The following RNGTT variants were observed in gnomAD, a reference collection of about 807,000 sequenced individuals.
The protein encoded by RNGTT is mRNA-capping enzyme.
A neutral mutation model predicts 79.3 loss-of-function variants in RNGTT; 33 were observed. The ratio of observed to expected loss-of-function variants is 0.42; its 90% confidence interval spans 0.32 to 0.56. The LOEUF is 0.56. Among genes scored for constraint, RNGTT ranks in the 20% least tolerant of loss-of-function variants. The probability of loss-of-function intolerance (pLI) is 0.17; values close to 1 mark genes in which losing one functional copy is unlikely to be tolerated. For synonymous variants in RNGTT, 222 were observed against 235.9 expected (o/e 0.94, Z 0.54); for missense variants, 497 against 739.1 (o/e 0.67, Z 3.80).
At chr6:88,731,997 G>A (rs1401651371) in intron 13 of RNGTT, among the ~76,000 whole-genome samples, 2 of 152,118 alleles carry the variant, frequency 1.3e-5, no homozygotes, top group South Asian at 2.1e-4. Context: ...GTGGAAGTGA[G>A]TCATCATAAA....
intron 13 of RNGTT, among the ~76,000 whole-genome samples, chr6:88,759,871 A>C (rs9451075): frequency 0.14 from 21,837 of 152,112 alleles, 1,705 homozygotes; most frequent in Middle Eastern, 0.24. Context: ...CCCCCCACCA[A>C]CTTCAATGTG....
intron 13 of RNGTT, among the ~76,000 whole-genome samples, chr6:88,717,407 T>G (rs369841299): frequency 1.3e-5 from 2 of 152,180 alleles, no homozygotes; most frequent in African/African-American, 4.8e-5. Flanking sequence ...TCTCAAGAAA[T>G]ACGCACCTAT....
chr6:88,628,647 T>C (rs1772727213), intron 14 of RNGTT, among the ~76,000 whole-genome samples: 1 of 152,186 alleles, frequency 6.6e-6, no homozygotes, highest in African/African-American at 2.4e-5. Flanking sequence ...ATTTATTAAC[T>C]ACCTGTGATG....
intron 11 of RNGTT, among the ~76,000 whole-genome samples, 160 bp downstream of exon 11, chr6:88,844,197 T>C (rs1781410110): frequency 6.6e-6 from 1 of 152,040 alleles, no homozygotes. Flanking sequence ...AGAAAAAGCC[T>C]AGGAGTCGTA....
intron 13 of RNGTT, among the ~76,000 whole-genome samples, chr6:88,685,387 G>T (rs1454972634): frequency 6.6e-6 from 1 of 152,098 alleles, no homozygotes; most frequent in Non-Finnish European, 1.5e-5. Context: ...AAGAGAAAGG[G>T]TATCTAGGAA....
intron 13 of RNGTT, among the ~76,000 whole-genome samples, chr6:88,757,112 A>C (rs560440127): frequency 6.6e-6 from 1 of 152,320 alleles, no homozygotes; most frequent in East Asian, 1.9e-4. Context: ...CTATAAATGT[A>C]TATCAGTTAC....
rs372549368 is a variant in RNGTT, at chr6:88,963,414, T to C, written c.-5A>G. 36 of 1,597,706 alleles carry C rather than the reference T, an allele frequency of 2.3e-5. No individual in the cohort carries two copies. In the South Asian group the frequency reaches 2.6e-4, roughly 11 times the overall value. On this transcript the variant is annotated 5_prime_UTR_variant, in exon 1 of 16. Coordinates refer to ENST00000369485, the MANE Select transcript of RNGTT (RefSeq NM_003800.5). Reference sequence around the variant, plus strand: ...CGGGATCTTGTTGTGAGCCATGTCTTGGGGCTGCGCAGAGCTGCCCTCCCT... The same window carrying C: ...CGGGATCTTGTTGTGAGCCATGTCTCGGGGCTGCGCAGAGCTGCCCTCCCT...
At chr6:88,683,618 A>T (rs1775168690) in intron 13 of RNGTT, among the ~76,000 whole-genome samples, 1 of 152,234 alleles carries the variant, frequency 6.6e-6, no homozygotes, top group Non-Finnish European at 1.5e-5. Context: ...TCAGAGAATA[A>T]GAAAACAAGC....
chr6:88,902,321 G>A (rs764847877), intron 6 of RNGTT, among the ~76,000 whole-genome samples: 7 of 152,166 alleles, frequency 4.6e-5, no homozygotes, highest in Non-Finnish European at 1.0e-4. Flanking sequence ...TTGGCCAAGC[G>A]CAGTGGCTCA....
At chr6:88,932,561 C>T (rs1784544487) in intron 2 of RNGTT, among the ~76,000 whole-genome samples, 1 of 152,126 alleles carries the variant, frequency 6.6e-6, no homozygotes, top group Non-Finnish European at 1.5e-5. Flanking sequence ...CCTGGACACC[C>T]AGCTTTAAAA....
intron 14 of RNGTT, among the ~76,000 whole-genome samples, chr6:88,649,480 G>A (rs1382260103): frequency 6.6e-6 from 1 of 152,142 alleles, no homozygotes; most frequent in Non-Finnish European, 1.5e-5. Context: ...GGTGGATCAC[G>A]AGGTCAGGAG....
At chr6:88,874,259 C>T (rs944916081) in intron 8 of RNGTT, among the ~76,000 whole-genome samples, 4 of 152,068 alleles carry the variant, frequency 2.6e-5, no homozygotes, top group African/African-American at 9.7e-5. Context: ...GGGTATGCCA[C>T]ATTTATTGCT....
At chr6:88,790,965 C>T (rs937138328) in intron 12 of RNGTT, among the ~76,000 whole-genome samples, 5 of 152,014 alleles carry the variant, frequency 3.3e-5, no homozygotes, top group East Asian at 3.9e-4. Flanking sequence ...CCATCGGAAA[C>T]GTCTTATTAA....
chr6:88,907,455 CTT>C (rs1482652075), intron 4 of RNGTT, among the ~76,000 whole-genome samples: 1 of 152,054 alleles, frequency 6.6e-6, no homozygotes, highest in Non-Finnish European at 1.5e-5. Context: ...TGCCCTCTCT[CTT>C]TTCTCACCAC....
At chr6:88,912,163 G>T (rs1198773640) in intron 4 of RNGTT, among the ~76,000 whole-genome samples, 1 of 151,666 alleles carries the variant, frequency 6.6e-6, no homozygotes, top group Non-Finnish European at 1.5e-5. Flanking sequence ...AGCATTTTGG[G>T]AGGCCAAGGC....
At chr6:88,709,957 T>C (rs1013841501) in intron 13 of RNGTT, among the ~76,000 whole-genome samples, 4 of 152,244 alleles carry the variant, frequency 2.6e-5, no homozygotes, top group African/African-American at 7.2e-5. Context: ...AGTGTATTGT[T>C]TGTATATAAA....
intron 1 of RNGTT, among the ~76,000 whole-genome samples, chr6:88,962,027 T>C (rs910741438): frequency 7.2e-5 from 11 of 152,200 alleles, no homozygotes; most frequent in South Asian, 6.2e-4. Flanking sequence ...AAATTAATTA[T>C]GCTGAGTGAA....
chr6:88,817,490 T>TAAAAAAAAAAAA (rs11354100), intron 11 of RNGTT, among the ~76,000 whole-genome samples: 3 of 44,564 alleles, frequency 6.7e-5, no homozygotes, highest in African/African-American at 9.7e-5. Context: ...AAAAAATAAG[T>TAAAAAAAAAAAA]AAAAAAAAAA....
intron 11 of RNGTT, among the ~76,000 whole-genome samples, chr6:88,841,307 G>T (rs1473189419): frequency 3.3e-5 from 5 of 152,106 alleles, no homozygotes; most frequent in Non-Finnish European, 7.4e-5. Flanking sequence ...ATAAAAGTAG[G>T]ATGATTACTC....
Sources: gnomAD v4.1 joint callset for allele counts (sites outside exome capture counted in the v4.1 genomes callset) on GRCh38, gnomAD v4.1.1 for gene constraint, MANE v1.5 for transcripts, NCBI Gene and HGNC (gene_info 2026-07-23, HGNC 2026-07-21) for gene names.